RIMS1: variants seen among roughly 807,000 people sequenced by gnomAD.
RIMS1 encodes the protein regulating synaptic membrane exocytosis protein 1.
In RIMS1, 83 loss-of-function variants were observed where a neutral mutation model predicts 214.1. The observed-to-expected ratio is 0.39, with a 90% CI of 0.32 to 0.47. The LOEUF (loss-of-function observed/expected upper bound fraction) is 0.47, where lower values mean the gene tolerates loss of function less well. Among genes scored for constraint, RIMS1 ranks in the 20% least tolerant of loss-of-function variants. The pLI, the probability that RIMS1 is intolerant of heterozygous loss-of-function variation, is 0.99. For synonymous variants in RIMS1, 793 were observed against 786.8 expected (o/e 1.01, Z -0.13); for missense variants, 2,050 against 2,161.8 (o/e 0.95, Z 1.03).
At chr6:72,289,397 A>G (rs1236359914) in intron 24 of RIMS1, among the ~76,000 whole-genome samples, 1 of 152,206 alleles carries the variant, frequency 6.6e-6, no homozygotes, top group South Asian at 2.1e-4. Context: ...CCAATTTGGA[A>G]TAAACAGTTT....
chr6:72,060,583 T>C (rs570993264), intron 2 of RIMS1, among the ~76,000 whole-genome samples: 1 of 152,194 alleles, frequency 6.6e-6, no homozygotes, highest in Non-Finnish European at 1.5e-5. Flanking sequence ...TGTACATTTA[T>C]ACCTCTTCTC....
At chr6:72,360,191 A>G (rs1478507376) in intron 29 of RIMS1, among the ~76,000 whole-genome samples, 1 of 152,116 alleles carries the variant, frequency 6.6e-6, no homozygotes, top group Admixed American at 6.6e-5. Context: ...TCCCTTCCTC[A>G]CCATACCTTG....
At chr6:72,039,514 C>A (rs1160351237) in intron 2 of RIMS1, among the ~76,000 whole-genome samples, 5 of 151,994 alleles carry the variant, frequency 3.3e-5, no homozygotes, top group Non-Finnish European at 7.4e-5. Context: ...GCTTCATCTG[C>A]AGGTGAGCCA....
chr6:72,016,200 G>T (rs1812702866), intron 2 of RIMS1, among the ~76,000 whole-genome samples: 1 of 152,098 alleles, frequency 6.6e-6, no homozygotes, highest in Non-Finnish European at 1.5e-5. Flanking sequence ...GCTGGATTTA[G>T]TTTGCTGGTA....
Position 71,886,617 on chromosome 6 carries a change from G to A in RIMS1, c.-407G>A, listed in dbSNP as rs1485583303. 1 of 148,468 alleles carries A rather than the reference G, an allele frequency of 6.7e-6. No homozygotes were observed. The highest frequency in any genetic ancestry group is 2.5e-5 in the African/African-American group (1 of 39,978). 9.2% of individuals were successfully genotyped at this position (148,468 alleles called of 1,614,324 possible). On this transcript the variant is annotated 5_prime_UTR_variant, in exon 1 of 34. Transcript: ENST00000521978. Reference sequence around the variant, plus strand: ...AGCGGCCGCCCCAGTCCCAGCCCCAGCCCCAGCCCCAGCCCCGCCCCCGCC... The same window carrying A: ...AGCGGCCGCCCCAGTCCCAGCCCCAACCCCAGCCCCAGCCCCGCCCCCGCC...
At chr6:72,174,793 TAGTA>T (rs1217287106) in intron 4 of RIMS1, among the ~76,000 whole-genome samples, 1 of 152,226 alleles carries the variant, frequency 6.6e-6, no homozygotes, top group East Asian at 1.9e-4. Flanking sequence ...AAAATGCTAA[TAGTA>T]AGACAGTGGA....
chr6:72,058,087 G>A (rs1826837999), intron 2 of RIMS1, among the ~76,000 whole-genome samples: 1 of 152,200 alleles, frequency 6.6e-6, no homozygotes, highest in Non-Finnish European at 1.5e-5. Flanking sequence ...CCTGAAGGTG[G>A]ATATAAAGTT....
intron 4 of RIMS1, among the ~76,000 whole-genome samples, chr6:72,113,926 A>G (rs1056166199): frequency 6.6e-6 from 1 of 152,152 alleles, no homozygotes; most frequent in Non-Finnish European, 1.5e-5. Flanking sequence ...CCTAAAATAC[A>G]TAAAAAGACA....
At chr6:71,887,214 A>T (rs1038338420) in intron 1 of RIMS1, 27 bp downstream of exon 1, 4 of 1,589,474 alleles carry the variant, frequency 2.5e-6, no homozygotes, top group African/African-American at 1.3e-5. Flanking sequence ...CGCGCCATCC[A>T]TGCCTCCGTG....
intron 29 of RIMS1, among the ~76,000 whole-genome samples, chr6:72,338,232 C>G (rs1213912096): frequency 6.6e-6 from 1 of 151,792 alleles, no homozygotes; most frequent in African/African-American, 2.4e-5. Flanking sequence ...TCCTATTTCT[C>G]CACATCCTCT....
intron 9 of RIMS1, 105 bp from the exon 10 acceptor site, chr6:72,242,209 A>T: frequency 1.1e-6 from 1 of 896,336 alleles, no homozygotes; most frequent in Non-Finnish European, 1.7e-6. Flanking sequence ...CTAGACAATT[A>T]AACTATTTGT....
At position 72,261,432 on chromosome 6, in the gene RIMS1, T is replaced by C. The variant is rs1208053960; in HGVS notation, c.3116+665T>C. On this transcript the variant is annotated intron_variant, in intron 19 of 33. Coordinates refer to ENST00000521978, the MANE Select transcript of RIMS1 (RefSeq NM_014989.7). Reference sequence around the variant, plus strand: ...AAAAGATATAATTTTTGCTTCTAAATTGGAGCTTAGAGCCTGATGCTTTAT... The same window carrying C: ...AAAAGATATAATTTTTGCTTCTAAACTGGAGCTTAGAGCCTGATGCTTTAT... The C allele has an allele frequency of 4.1e-6, 4 of 985,292 alleles. No individual in the cohort carries two copies. In the African/African-American group the frequency reaches 7.0e-5, roughly 17 times the overall value. 61.0% of individuals were successfully genotyped at this position (985,292 alleles called of 1,614,324 possible). A position where few individuals can be genotyped will look rare whatever the true frequency, so the allele number is the denominator to read the frequency against.
intron 4 of RIMS1, among the ~76,000 whole-genome samples, chr6:72,128,134 A>G (rs1279799245): frequency 6.6e-6 from 1 of 152,190 alleles, no homozygotes; most frequent in Non-Finnish European, 1.5e-5. Flanking sequence ...TCACAAACCT[A>G]GAGAGGGGCG....
chr6:71,976,768 A>G lies in RIMS1; in HGVS notation c.245+7705A>G, dbSNP rs113763495. On this transcript the variant is annotated intron_variant, in intron 2 of 33. Coordinates refer to ENST00000521978, the MANE Select transcript of RIMS1 (RefSeq NM_014989.7). The stretch of plus-strand genomic sequence containing the variant: ...TGATTCATTTTGAGATAGTTTTTAT[A>G]TATGATGTATGTGTTTTTATACATG... Among the ~76,000 whole-genome samples the G allele has an allele frequency of 3.1e-3, 474 of 152,136 alleles. 5 individuals are homozygous for G. Among genetic ancestry groups the G allele is most frequent in the African/African-American group, 9.7e-3 (402 of 41,518 alleles).
At chr6:72,384,814 T>C (rs183688137) in intron 29 of RIMS1, among the ~76,000 whole-genome samples, 1 of 152,344 alleles carries the variant, frequency 6.6e-6, no homozygotes, top group African/African-American at 2.4e-5. Context: ...TTCTATCTTA[T>C]TACTGTTGTA....
intron 4 of RIMS1, among the ~76,000 whole-genome samples, chr6:72,153,701 A>T (rs2044042152): frequency 6.6e-6 from 1 of 152,152 alleles, no homozygotes; most frequent in Non-Finnish European, 1.5e-5. Context: ...TTCCAGAGGA[A>T]CTTTAGAAAA....
At chr6:72,257,062 T>G (rs2076160203) in intron 16 of RIMS1, among the ~76,000 whole-genome samples, 1 of 152,048 alleles carries the variant, frequency 6.6e-6, no homozygotes, top group Admixed American at 6.6e-5. Flanking sequence ...TAGCCTGCCT[T>G]TAATCATGAT....
intron 2 of RIMS1, among the ~76,000 whole-genome samples, chr6:72,054,763 G>A (rs1445825414): frequency 6.6e-6 from 1 of 152,038 alleles, no homozygotes; most frequent in Non-Finnish European, 1.5e-5. Flanking sequence ...CCCACTCTTT[G>A]ATGGGTTATT....
At chr6:72,006,926 G>T (rs1418749267) in intron 2 of RIMS1, among the ~76,000 whole-genome samples, 2 of 152,214 alleles carry the variant, frequency 1.3e-5, no homozygotes, top group Admixed American at 6.5e-5. Flanking sequence ...AAAGACAGAA[G>T]AAACCTCTGC....
Sources: allele counts gnomAD v4.1 joint callset (sites outside exome capture counted in the v4.1 genomes callset), GRCh38; gene constraint gnomAD v4.1.1; transcripts MANE v1.5; gene names NCBI Gene and HGNC (gene_info 2026-07-23, HGNC 2026-07-21).